Variants in CAMK1D observed in about 807,000 individuals in gnomAD.
The protein encoded by CAMK1D is calcium/calmodulin-dependent protein kinase type 1D.
Under a neutral mutation model 47.7 loss-of-function variants are expected in CAMK1D, and 9 were observed. That is an observed-to-expected ratio of 0.19 (90% CI 0.11 to 0.33). CAMK1D has a LOEUF of 0.33. CAMK1D is among the 10% of genes least tolerant of loss of function. The probability of loss-of-function intolerance (pLI) is 1.00; values close to 1 mark genes in which losing one functional copy is unlikely to be tolerated. For missense variants in CAMK1D, 291 were observed against 488.7 expected (o/e 0.60, Z 3.81); for synonymous variants, 184 against 184.9 (o/e 0.99, Z 0.04).
rs1156479619 is a variant in CAMK1D, at chr10:12,825,778, C to G, written c.1039+88C>G. ...GAGGGAGCCGGCATCTGCCGAGCACCTCCTGTTTGCCAGGCGCTTTCTATA... is the reference window on the plus strand; with the variant it reads ...GAGGGAGCCGGCATCTGCCGAGCACGTCCTGTTTGCCAGGCGCTTTCTATA... On this transcript the variant is annotated intron_variant, in intron 10 of 10. Coordinates refer to ENST00000619168, the MANE Select transcript of CAMK1D (RefSeq NM_153498.4). 3 of 1,592,156 alleles carry G rather than the reference C, an allele frequency of 1.9e-6. No homozygotes were observed. In the African/African-American group the frequency reaches 4.1e-5, roughly 22 times the overall value.
chr10:12,726,850 G>A (rs1278627681), intron 3 of CAMK1D, among the ~76,000 whole-genome samples: 2 of 152,212 alleles, frequency 1.3e-5, no homozygotes, highest in East Asian at 1.9e-4. Flanking sequence ...TTGCTTCAAC[G>A]GGATAGCTCA....
chr10:12,568,058 A>T (rs935072620), intron 2 of CAMK1D, among the ~76,000 whole-genome samples: 1 of 93,908 alleles, frequency 1.1e-5, no homozygotes, highest in East Asian at 3.2e-4. Flanking sequence ...TCTGGGACCC[A>T]CTCTCAGTTA....
chr10:12,459,936 A>G (rs762015994), intron 1 of CAMK1D, among the ~76,000 whole-genome samples: 42 of 152,210 alleles, frequency 2.8e-4, no homozygotes, highest in Non-Finnish European at 5.6e-4. Context: ...TGAAGGAAAA[A>G]TAACACAGAC....
intron 7 of CAMK1D, among the ~76,000 whole-genome samples, chr10:12,814,957 A>G (rs886815949): frequency 6.6e-6 from 1 of 152,186 alleles, no homozygotes; most frequent in Non-Finnish European, 1.5e-5. Context: ...GAGTAAACCA[A>G]TAGTAGCTGA....
At chr10:12,610,566 A>G (rs899715739) in intron 2 of CAMK1D, among the ~76,000 whole-genome samples, 3 of 152,188 alleles carry the variant, frequency 2.0e-5, no homozygotes, top group Non-Finnish European at 4.4e-5. Context: ...GGGTTTGAGC[A>G]TAGAGCCTTG....
intron 2 of CAMK1D, among the ~76,000 whole-genome samples, chr10:12,653,548 A>G (rs1269646117): frequency 6.6e-6 from 1 of 152,200 alleles, no homozygotes; most frequent in African/African-American, 2.4e-5. Context: ...CCATGTGACA[A>G]CGTTAATTAC....
At chr10:12,503,774 G>A (rs1369758601) in intron 1 of CAMK1D, among the ~76,000 whole-genome samples, 1 of 152,172 alleles carries the variant, frequency 6.6e-6, no homozygotes, top group African/African-American at 2.4e-5. Flanking sequence ...ATGGGCTCCT[G>A]CAGGATAGTG....
chr10:12,589,203 G>T lies in CAMK1D; in HGVS notation c.224+35847G>T, dbSNP rs1837924836. Among the ~76,000 whole-genome samples, 4 of 152,190 alleles carry T rather than the reference G, an allele frequency of 2.6e-5. No homozygotes were observed. In the South Asian group the frequency reaches 8.3e-4, roughly 32 times the overall value. On this transcript the variant is annotated intron_variant, in intron 2 of 10. Transcript: ENST00000619168. ...CATTTTGTAATTTTTTTGTAGAGAT[G>T]GGGTTTCACCATGTTGCCCAGGCTG... is the stretch of plus-strand genomic sequence containing the variant.
intron 2 of CAMK1D, among the ~76,000 whole-genome samples, chr10:12,633,424 T>C (rs958691502): frequency 6.6e-6 from 1 of 152,064 alleles, no homozygotes; most frequent in Non-Finnish European, 1.5e-5. Context: ...CTGGAGAAGG[T>C]CAACTTCAAG....
chr10:12,532,539 A>G (rs1432478643), intron 1 of CAMK1D, among the ~76,000 whole-genome samples: 1 of 152,156 alleles, frequency 6.6e-6, no homozygotes, highest in Non-Finnish European at 1.5e-5. Context: ...TCGGCCTCCC[A>G]AAGTGCTGGG....
chr10:12,387,045 T>C (rs1588429335), intron 1 of CAMK1D, among the ~76,000 whole-genome samples: 1 of 151,124 alleles, frequency 6.6e-6, no homozygotes. Flanking sequence ...CTACTAAAAA[T>C]ACAAAAAAAT....
intron 1 of CAMK1D, among the ~76,000 whole-genome samples, chr10:12,469,302 G>A (rs1433399618): frequency 6.7e-6 from 1 of 150,130 alleles, no homozygotes; most frequent in African/African-American, 2.5e-5. Context: ...TTAGAAGGTA[G>A]AGGTTCCCCC....
rs1299560033 is a variant in CAMK1D, at chr10:12,825,578, A to T, written c.927A>T (p.Ala309=). ...KNFAKSKWRQ[A]FNATAVVRHM... ...TTTCCTTTCTGAAATTTCAGCAAGC[A>T]TTTAATGCCACGGCCGTCGTCAGAC... Residue 309 remains alanine (A), a synonymous_variant, in exon 10 of 11, where the codon GCA becomes GCT. Coordinates refer to ENST00000619168, the MANE Select transcript of CAMK1D (RefSeq NM_153498.4). 1 of 1,604,328 alleles carries T rather than the reference A, an allele frequency of 6.2e-7. No individual in the cohort carries two copies. The highest frequency in any genetic ancestry group is 1.7e-5 in the Admixed American group (1 of 57,146).
intron 1 of CAMK1D, among the ~76,000 whole-genome samples, chr10:12,466,019 T>G (rs1833577949): frequency 1.3e-5 from 2 of 152,142 alleles, no homozygotes; most frequent in Admixed American, 6.5e-5. Flanking sequence ...GTTTCTTCAT[T>G]TAAAAAATGA....
chr10:12,650,819 C>A (rs1381906789), intron 2 of CAMK1D, among the ~76,000 whole-genome samples: 1 of 152,170 alleles, frequency 6.6e-6, no homozygotes, highest in Non-Finnish European at 1.5e-5. Context: ...AGTCCACCAG[C>A]AGCATCATCC....
chr10:12,529,799 A>G (rs1310017220), intron 1 of CAMK1D, among the ~76,000 whole-genome samples: 2 of 152,164 alleles, frequency 1.3e-5, no homozygotes, highest in African/African-American at 2.4e-5. Flanking sequence ...AAGGCAATAT[A>G]TATTGTAATG....
At chr10:12,806,000 G>A (rs576631482) in intron 6 of CAMK1D, among the ~76,000 whole-genome samples, 2 of 152,340 alleles carry the variant, frequency 1.3e-5, no homozygotes, top group Admixed American at 6.5e-5. Context: ...GTGGGGGCCT[G>A]CCCTGGCCGG....
At chr10:12,402,587 A>G (rs1383179820) in intron 1 of CAMK1D, among the ~76,000 whole-genome samples, 1 of 152,144 alleles carries the variant, frequency 6.6e-6, no homozygotes, top group Non-Finnish European at 1.5e-5. Context: ...GTGTGTTTGA[A>G]AGACCACTTT....
At chr10:12,466,814 A>G (rs548665131) in intron 1 of CAMK1D, among the ~76,000 whole-genome samples, 25 of 152,220 alleles carry the variant, frequency 1.6e-4, no homozygotes, top group Admixed American at 2.6e-4. Flanking sequence ...GGCGGCAGCT[A>G]CACAGGGCTT....
Sources: gnomAD v4.1 joint callset for allele counts (sites outside exome capture counted in the v4.1 genomes callset) on GRCh38, gnomAD v4.1.1 for gene constraint, MANE v1.5 for transcripts, NCBI Gene and HGNC (gene_info 2026-07-23, HGNC 2026-07-21) for gene names.